The following CECR2 variants were observed in gnomAD, a reference collection of about 807,000 sequenced individuals.
CECR2 encodes the protein CECR2 histone acetyl-lysine reader, also known as chromatin remodeling regulator CECR2.
CECR2 carries 30 observed loss-of-function variants against 154.5 expected under a neutral mutation model. That is an observed-to-expected ratio of 0.19 (90% CI 0.15 to 0.26). The LOEUF (loss-of-function observed/expected upper bound fraction) is 0.26. CECR2 is among the 10% of genes least tolerant of loss of function. The pLI is 1.00. For synonymous variants in CECR2, 725 were observed against 683.7 expected, an observed-to-expected ratio of 1.06 and a Z score of -0.94; for missense variants, 1,743 against 1,829.3, an observed-to-expected ratio of 0.95 and a Z score of 0.86.
intron 1 of CECR2, among the ~76,000 whole-genome samples, chr22:17,388,779 T>C (rs5992681): frequency 1.1e-3 from 166 of 152,288 alleles, no homozygotes; most frequent in African/African-American, 3.8e-3. Flanking sequence ...CTACTGTAAC[T>C]CTGGGTTGGG....
At chr22:17,507,275 C>T (rs1235996083) in intron 7 of CECR2, among the ~76,000 whole-genome samples, 1 of 152,154 alleles carries the variant, frequency 6.6e-6, no homozygotes, top group African/African-American at 2.4e-5. Flanking sequence ...AGACTTCCGC[C>T]GTCCTGGATG....
At chr22:17,394,582 A>G (rs756424928) in intron 1 of CECR2, among the ~76,000 whole-genome samples, 1 of 152,012 alleles carries the variant, frequency 6.6e-6, no homozygotes, top group Non-Finnish European at 1.5e-5. Flanking sequence ...CTGTCTTGTG[A>G]GTTTTGAAAT....
rs184279554 is a variant in CECR2 at position 17,400,544 on chromosome 22, T to C, written c.126+30635T>C. Among the ~76,000 whole-genome samples, 528 of 152,290 alleles carry C rather than the reference T, an allele frequency of 3.5e-3. 4 individuals carry two copies. The highest frequency in any genetic ancestry group is 0.01 in the Middle Eastern group (3 of 294). On this transcript the variant is annotated intron_variant, in intron 1 of 18. Coordinates refer to ENST00000262608, the MANE Select transcript of CECR2 (RefSeq NM_001290047.2). ...GTGAGTGATTTCATTTCTGAAGTCT[T>C]TGTTTTATGGCGGAGCTGCATTCTG...
At chr22:17,472,046 A>G (rs895211787) in intron 1 of CECR2, among the ~76,000 whole-genome samples, 11 of 152,116 alleles carry the variant, frequency 7.2e-5, no homozygotes, top group African/African-American at 2.4e-4. Context: ...TTTCTGTGTT[A>G]CTCAGCATCG....
chr22:17,469,472 G>T (rs1301078030), intron 1 of CECR2, among the ~76,000 whole-genome samples: 1 of 152,192 alleles, frequency 6.6e-6, no homozygotes, highest in Non-Finnish European at 1.5e-5. Context: ...TTCTTGGCCC[G>T]CGACAGCGCG....
intron 1 of CECR2, among the ~76,000 whole-genome samples, chr22:17,461,381 C>T (rs1341511513): frequency 2.0e-5 from 3 of 152,082 alleles, no homozygotes; most frequent in African/African-American, 4.8e-5. Context: ...TTTCAAGTCC[C>T]ATTCTCTTTC....
chr22:17,438,925 A>T (rs2054545274), intron 1 of CECR2, among the ~76,000 whole-genome samples: 1 of 152,074 alleles, frequency 6.6e-6, no homozygotes, highest in African/African-American at 2.4e-5. Context: ...ATGGAATTCC[A>T]CACTTTGGGG....
chr22:17,539,009 C>T lies in CECR2; in HGVS notation c.1385C>T (p.Ser462Phe). ...CTCGTTTAGGCCCCCATGGATATTT[C>T]CAGCATGGAGAAGAAACTGAATGGA... is the stretch of plus-strand genomic sequence containing the variant. ...YQIIKAPMDI[S>F]SMEKKLNGGL... Residue 462 changes from serine to phenylalanine, a missense_variant, in exon 13 of 19, where the codon TCC becomes TTC. This residue lies in a region of CECR2 where 103 missense variants were observed against 166.8 expected (regional missense o/e 0.62). Coordinates refer to ENST00000262608, the MANE Select transcript of CECR2 (RefSeq NM_001290047.2). 1 of 1,613,554 alleles carries T rather than the reference C, an allele frequency of 6.2e-7. No individual in the cohort carries two copies. Among genetic ancestry groups the T allele is most frequent in the Non-Finnish European group, 8.5e-7 (1 of 1,179,734 alleles).
chr22:17,408,458 T>G (rs76950449), intron 1 of CECR2, among the ~76,000 whole-genome samples: 5,470 of 152,252 alleles, frequency 0.036, 106 homozygotes, highest in Middle Eastern at 0.048. Flanking sequence ...GAATGCCATT[T>G]TTTTCTAAGT....
rs772411553 is a variant in CECR2, at chr22:17,548,371, T to C, written c.3084T>C (p.Asp1028=). 12 of 1,613,086 alleles carry C rather than the reference T, an allele frequency of 7.4e-6. No homozygotes were observed. In the East Asian group the frequency reaches 2.5e-4, roughly 33 times the overall value. Residue 1028 remains aspartate, a synonymous_variant, in exon 17 of 19, where the codon GAT becomes GAC. Coordinates refer to ENST00000262608, the MANE Select transcript of CECR2 (RefSeq NM_001290047.2). ...AGGGCAAGAATCCCTGGCCCTCGGA[T>C]AGCAGCTACCCCGGCCCAGCCGCCC... The part of the protein sequence containing the change: ...AMKGKNPWPS[D]SSYPGPAAQG...
chr22:17,403,533 G>C (rs1368060860), intron 1 of CECR2, among the ~76,000 whole-genome samples: 5 of 152,130 alleles, frequency 3.3e-5, no homozygotes, highest in African/African-American at 1.2e-4. Flanking sequence ...TGAATAAGGG[G>C]CTCTAGTTTT....
intron 2 of CECR2, 46 bp from the exon 3 acceptor site, chr22:17,497,357 C>A: frequency 6.5e-7 from 1 of 1,535,404 alleles, no homozygotes; most frequent in South Asian, 1.2e-5. Flanking sequence ...CCCAACCAAC[C>A]TATATTTTAT....
upstream of CECR2, among the ~76,000 whole-genome samples, chr22:17,366,907 G>C (rs1205270803): frequency 1.3e-5 from 2 of 152,166 alleles, no homozygotes; most frequent in Non-Finnish European, 2.9e-5. Flanking sequence ...CAGAGTAGCA[G>C]GGTAGGTGGA....
chr22:17,493,471 C>T (rs2055566929), intron 2 of CECR2, among the ~76,000 whole-genome samples: 1 of 152,090 alleles, frequency 6.6e-6, no homozygotes, highest in South Asian at 2.1e-4. Flanking sequence ...TTAGCCAGTG[C>T]CTTTGCCCTC....
chr22:17,539,146 A>G, intron 13 of CECR2, 27 bp downstream of exon 13: 1 of 1,608,810 alleles, frequency 6.2e-7, no homozygotes, highest in Non-Finnish European at 8.5e-7. Flanking sequence ...TTTGTGCTAG[A>G]TACATATCTG....
intron 1 of CECR2, chr22:17,418,809 G>A (rs1228052607): frequency 9.4e-6 from 2 of 213,470 alleles, no homozygotes; most frequent in Admixed American, 5.5e-5. Flanking sequence ...GTTCTTCCAC[G>A]TGGGGCCCAG....
At position 17,480,829 on chromosome 22, in the gene CECR2, C is replaced by T. The variant is rs370280969; in HGVS notation, c.221+3147C>T. Reference sequence around the variant, plus strand: ...CCGAGACGGGCAGATCACTTGAGGTCGGGAGTTCAAGAGCAGTCTGGCCAA... The same window carrying T: ...CCGAGACGGGCAGATCACTTGAGGTTGGGAGTTCAAGAGCAGTCTGGCCAA... On this transcript the variant is annotated intron_variant, in intron 2 of 18. Transcript: ENST00000262608. 7.3e-5 allele frequency among the ~76,000 whole-genome samples: 11 copies of T among 150,740 alleles called. No individual in the cohort carries two copies. In the South Asian group the frequency reaches 1.9e-3, roughly 26 times the overall value.
chr22:17,503,200 CTT>C (rs553245039), intron 6 of CECR2, 69 bp downstream of exon 6: 2 of 1,425,250 alleles, frequency 1.4e-6, no homozygotes, highest in South Asian at 2.5e-5. Flanking sequence ...GGTGTTGACT[CTT>C]TTTCTAGAGT....
At chr22:17,502,618 A>G (rs1357992439) in intron 5 of CECR2, among the ~76,000 whole-genome samples, 1 of 152,188 alleles carries the variant, frequency 6.6e-6, no homozygotes, top group Non-Finnish European at 1.5e-5. Context: ...CCTGGCCAAC[A>G]TGGTGAAATC....
Sources: allele counts gnomAD v4.1 joint callset (sites outside exome capture counted in the v4.1 genomes callset), GRCh38; gene constraint gnomAD v4.1.1; regional missense constraint gnomAD v4.1.1; transcripts MANE v1.5; gene names NCBI Gene and HGNC (gene_info 2026-07-23, HGNC 2026-07-21).